The following PTPRK variants were observed in gnomAD, a reference collection of about 807,000 sequenced individuals.
The protein encoded by PTPRK is protein tyrosine phosphatase receptor type K.
A neutral mutation model predicts 178.0 loss-of-function variants in PTPRK; 75 were observed. The observed-to-expected ratio is 0.42, with a 90% CI of 0.35 to 0.51. PTPRK has a LOEUF of 0.51. PTPRK is among the 20% of genes least tolerant of loss of function. The probability of loss-of-function intolerance (pLI) is 0.02; values close to 1 mark genes in which losing one functional copy is unlikely to be tolerated. For missense variants in PTPRK, 1,441 were observed against 1,797.8 expected (o/e 0.80, Z 3.59); for synonymous variants, 637 against 620.6 (o/e 1.03, Z -0.39).
chr6:127,970,322 A>G, intron 29 of PTPRK, 42 bp from the exon 30 acceptor site: 1 of 1,517,716 alleles, frequency 6.6e-7, no homozygotes, highest in Non-Finnish European at 9.1e-7. Context: ...AACTTAAGAA[A>G]GAGACTAATG....
In PTPRK at chr6:128,519,535, C is replaced by A. The variant is rs557204272; in HGVS notation, c.100+724G>T. 1.3e-5 allele frequency among the ~76,000 whole-genome samples: 2 copies of A among 152,310 alleles called. No individual in the cohort carries two copies. The highest frequency in any genetic ancestry group is 4.1e-4 in the South Asian group (2 of 4,826). On this transcript the variant is annotated intron_variant, in intron 1 of 29. Coordinates refer to ENST00000368226, the MANE Select transcript of PTPRK (RefSeq NM_002844.4). The surrounding 1 kb of genome is among the most constrained non-coding windows in gnomAD (Gnocchi z 4.3). ...CCTGGCGGTGGTTTTGCCCGAGGAG[C>A]GGGCTCCCACGCGCGAGTCAGGCTT...
chr6:128,351,736 T>A (rs1000152250), intron 2 of PTPRK, among the ~76,000 whole-genome samples: 1 of 152,074 alleles, frequency 6.6e-6, no homozygotes, highest in African/African-American at 2.4e-5. Context: ...AAGCTAAATA[T>A]CATAGTCAAA....
chr6:128,336,165 G>A (rs1830892648), intron 2 of PTPRK, among the ~76,000 whole-genome samples: 1 of 150,050 alleles, frequency 6.7e-6, no homozygotes, highest in Non-Finnish European at 1.5e-5. Flanking sequence ...GCTGCATGAC[G>A]CAAGTGACCT....
chr6:128,231,143 A>C (rs1812222943), intron 5 of PTPRK, among the ~76,000 whole-genome samples: 1 of 152,218 alleles, frequency 6.6e-6, no homozygotes, highest in Non-Finnish European at 1.5e-5. Flanking sequence ...GCAGAAGAAA[A>C]ACCTTATAAT....
At chr6:128,388,629 A>G (rs1379750308) in intron 2 of PTPRK, among the ~76,000 whole-genome samples, 1 of 152,200 alleles carries the variant, frequency 6.6e-6, no homozygotes, top group East Asian at 1.9e-4. Flanking sequence ...TCCTTATCCT[A>G]TATCTCTATA....
intron 12 of PTPRK, 67 bp downstream of exon 12, chr6:128,067,452 T>G (rs1169498603): frequency 2.3e-5 from 32 of 1,405,034 alleles, no homozygotes; most frequent in Non-Finnish European, 2.9e-5. Flanking sequence ...TGCTACTGAG[T>G]ATTCATAAAA....
intron 2 of PTPRK, among the ~76,000 whole-genome samples, chr6:128,385,123 C>G (rs1349511073): frequency 6.7e-6 from 1 of 149,102 alleles, no homozygotes; most frequent in Non-Finnish European, 1.5e-5. Context: ...TTTTAAAATA[C>G]TGGTATTATT....
chr6:128,149,410 G>T (rs951408219), intron 7 of PTPRK, among the ~76,000 whole-genome samples: 15 of 151,922 alleles, frequency 9.9e-5, no homozygotes, highest in East Asian at 5.8e-4. Flanking sequence ...TACTAAAATG[G>T]TGTTTTAGAT....
At chr6:128,404,907 C>T (rs141856732) in intron 1 of PTPRK, among the ~76,000 whole-genome samples, 2 of 152,260 alleles carry the variant, frequency 1.3e-5, no homozygotes, top group East Asian at 3.9e-4. Flanking sequence ...TAAGTGTCTC[C>T]TAAAAGTGAG....
At chr6:128,042,577 TG>T (rs1359821379) in intron 13 of PTPRK, among the ~76,000 whole-genome samples, 1 of 152,078 alleles carries the variant, frequency 6.6e-6, no homozygotes, top group East Asian at 1.9e-4. Context: ...CTACCTCACA[TG>T]TATCAGCACT....
chr6:128,285,748 C>T (rs1822393131), intron 3 of PTPRK, among the ~76,000 whole-genome samples: 1 of 151,856 alleles, frequency 6.6e-6, no homozygotes, highest in African/African-American at 2.4e-5. Context: ...TGCAATGAGC[C>T]TAGATTGTGA....
intron 7 of PTPRK, among the ~76,000 whole-genome samples, chr6:128,101,249 T>C (rs1788722681): frequency 6.6e-6 from 1 of 152,106 alleles, no homozygotes; most frequent in Admixed American, 6.5e-5. Context: ...AGTTCCAACC[T>C]AGCTCTTGAA....
In PTPRK at chr6:128,358,489, T is replaced by C. The variant is rs537080192; in HGVS notation, c.224-36179A>G. Among the ~76,000 whole-genome samples the C allele has an allele frequency of 3.9e-5, 6 of 152,282 alleles. No homozygotes were observed. The South Asian group carries it at 1.0e-3, about 26-fold the overall frequency. On this transcript the variant is annotated intron_variant, in intron 2 of 29. Coordinates refer to ENST00000368226, the MANE Select transcript of PTPRK (RefSeq NM_002844.4). Reference sequence around the variant, plus strand: ...AAATTTTAATAGATGAGGTCATGCATCCCAAAGTTTCAGACATGGTACAAT... The same window carrying C: ...AAATTTTAATAGATGAGGTCATGCACCCCAAAGTTTCAGACATGGTACAAT...
At chr6:128,417,632 A>T (rs1373175260) in intron 1 of PTPRK, among the ~76,000 whole-genome samples, 1 of 152,200 alleles carries the variant, frequency 6.6e-6, no homozygotes, top group African/African-American at 2.4e-5. Flanking sequence ...ACTAACATAT[A>T]ATAATTAGCC....
chr6:128,398,044 G>C (rs1304781994), intron 1 of PTPRK, among the ~76,000 whole-genome samples: 1 of 152,082 alleles, frequency 6.6e-6, no homozygotes. Flanking sequence ...CTTGAACAAA[G>C]AATTGGACAA....
At chr6:128,001,234 CA>C in intron 15 of PTPRK, 1 of 1,519,398 alleles carries the variant, frequency 6.6e-7, no homozygotes, top group South Asian at 1.2e-5. Flanking sequence ...CAGTAAAACA[CA>C]AAAACCAAAA....
chr6:128,346,812 C>T (rs1009822710), intron 2 of PTPRK, among the ~76,000 whole-genome samples: 2 of 152,068 alleles, frequency 1.3e-5, no homozygotes, highest in African/African-American at 2.4e-5. Flanking sequence ...TATTGGAAAA[C>T]ATCAGCAAAG....
At chr6:128,212,317 TGCTAGCTGA>T (rs1808346881) in intron 6 of PTPRK, among the ~76,000 whole-genome samples, 3 of 152,048 alleles carry the variant, frequency 2.0e-5, no homozygotes, top group African/African-American at 7.2e-5. Context: ...CAATAAAGGC[TGCTAGCTGA>T]TTTTTCAATG....
intron 13 of PTPRK, among the ~76,000 whole-genome samples, chr6:128,055,985 CTTTTCTTTTTT>C (rs1779823291): frequency 7.0e-6 from 1 of 143,516 alleles, no homozygotes; most frequent in African/African-American, 2.6e-5. Context: ...TTTTCTTTTT[CTTTTCTTTTTT>C]TTTTTTTTTT....
Sources: allele counts gnomAD v4.1 joint callset (sites outside exome capture counted in the v4.1 genomes callset), GRCh38; gene constraint gnomAD v4.1.1; non-coding constraint Gnocchi (gnomAD v3.1); transcripts MANE v1.5; gene names NCBI Gene and HGNC (gene_info 2026-07-23, HGNC 2026-07-21).